The following PLA2R1 variants were observed in gnomAD, a reference collection of about 807,000 sequenced individuals.
PLA2R1 encodes secretory phospholipase A2 receptor.
PLA2R1 carries 158 observed loss-of-function variants against 195.9 expected under a neutral mutation model. That is an observed-to-expected ratio of 0.81 (90% CI 0.71 to 0.92). The LOEUF is 0.92. PLA2R1 is among the 40% of genes least tolerant of loss of function. The pLI, the probability that PLA2R1 is intolerant of heterozygous loss-of-function variation, is 0.00. For missense variants in PLA2R1, 1,626 were observed against 1,764.6 expected, an observed-to-expected ratio of 0.92 and a Z score of 1.41; for synonymous variants, 586 against 598.2, an observed-to-expected ratio of 0.98 and a Z score of 0.30.
chr2:159,928,289 C>T (rs897242561), downstream of PLA2R1, among the ~76,000 whole-genome samples: 2 of 152,136 alleles, frequency 1.3e-5, no homozygotes, highest in Non-Finnish European at 2.9e-5. Flanking sequence ...AGGTCTAGAC[C>T]CCCTTTCTGG....
chr2:159,979,674 G>A (rs1348818005), intron 14 of PLA2R1, among the ~76,000 whole-genome samples, 156 bp downstream of exon 14: 3 of 152,098 alleles, frequency 2.0e-5, no homozygotes, highest in African/African-American at 7.2e-5. Context: ...GATTTCTCAG[G>A]ACCTTGCCAA....
At chr2:160,054,063 C>T (rs778298483) in intron 1 of PLA2R1, among the ~76,000 whole-genome samples, 5 of 152,170 alleles carry the variant, frequency 3.3e-5, no homozygotes, top group South Asian at 2.1e-4. Context: ...GGCAAACTAC[C>T]GAGCACTTCT....
chr2:160,027,986 G>C lies in PLA2R1; in HGVS notation c.1099+232C>G, dbSNP rs56130520. 6.3e-3 allele frequency among the ~76,000 whole-genome samples: 959 copies of C among 152,244 alleles called. 10 individuals carry two copies. Among genetic ancestry groups the C allele is most frequent in the Non-Finnish European group, 9.9e-3 (671 of 68,014 alleles). ...CAAATTTTTTAAAAGAGAAGAAAAT[G>C]TTTGCTATGCTCAGATTATTTCAGT... On this transcript the variant is annotated intron_variant, in intron 6 of 29. Transcript: ENST00000283243.
At chr2:160,028,083 CAT>C in intron 6 of PLA2R1, 133 bp downstream of exon 6, 1 of 594,966 alleles carries the variant, frequency 1.7e-6, no homozygotes. Flanking sequence ...TCTAGTTACA[CAT>C]CTTTTCATAT....
intron 1 of PLA2R1, among the ~76,000 whole-genome samples, chr2:160,051,422 C>G (rs1209975235): frequency 6.6e-6 from 1 of 152,212 alleles, no homozygotes; most frequent in Non-Finnish European, 1.5e-5. Flanking sequence ...TGTCTTGACT[C>G]TGTCCATTTC....
chr2:159,979,738 A>G, intron 14 of PLA2R1, 92 bp downstream of exon 14: 1 of 664,658 alleles, frequency 1.5e-6, no homozygotes, highest in South Asian at 1.8e-5. Flanking sequence ...AGCTCTGGCC[A>G]TCATTTCTAG....
At chr2:159,957,791 G>C (rs1305877324) in intron 20 of PLA2R1, among the ~76,000 whole-genome samples, 1 of 152,184 alleles carries the variant, frequency 6.6e-6, no homozygotes, top group Non-Finnish European at 1.5e-5. Context: ...GATGGAGTTT[G>C]GTGAGAGGAA....
At chr2:159,977,712 C>T (rs1173216588) in intron 14 of PLA2R1, among the ~76,000 whole-genome samples, 6 of 152,074 alleles carry the variant, frequency 3.9e-5, no homozygotes, top group Admixed American at 1.3e-4. Context: ...CCAAGGTGGG[C>T]AGATCACAAG....
At chr2:159,985,821 T>C (rs1331003810) in intron 12 of PLA2R1, among the ~76,000 whole-genome samples, 1 of 152,196 alleles carries the variant, frequency 6.6e-6, no homozygotes, top group Non-Finnish European at 1.5e-5. Flanking sequence ...GGTCCCCAGA[T>C]GACCCTTGCT....
At chr2:160,029,818 T>C (rs1355240381) in intron 4 of PLA2R1, among the ~76,000 whole-genome samples, 1 of 152,204 alleles carries the variant, frequency 6.6e-6, no homozygotes, top group Admixed American at 6.5e-5. Flanking sequence ...AGTGGCAATT[T>C]TGTGATGCTT....
chr2:159,924,127 C>T, the PLA2R1 span, among the ~76,000 whole-genome samples: 1 of 152,188 alleles, frequency 6.6e-6, no homozygotes, highest in Non-Finnish European at 1.5e-5. Flanking sequence ...TAAGCAGAAT[C>T]TTCAGGTCCA....
chr2:160,012,347 T>C (rs1692418646), intron 10 of PLA2R1, among the ~76,000 whole-genome samples: 1 of 152,136 alleles, frequency 6.6e-6, no homozygotes, highest in Admixed American at 6.5e-5. Flanking sequence ...CTGGCATCGA[T>C]ACTAATATGA....
chr2:159,991,798 AT>A (rs1381063481), intron 11 of PLA2R1, among the ~76,000 whole-genome samples: 2 of 119,134 alleles, frequency 1.7e-5, no homozygotes, highest in African/African-American at 6.3e-5. Flanking sequence ...TGAACTCATC[AT>A]TTTTTATGGC....
intron 17 of PLA2R1, 84 bp downstream of exon 17, chr2:159,975,984 C>G: frequency 1.1e-6 from 1 of 937,480 alleles, no homozygotes; most frequent in Non-Finnish European, 1.7e-6. Context: ...GAAGTCAAAT[C>G]GAAAAAACTA....
chr2:159,945,804 G>A, intron 27 of PLA2R1: 1 of 980,372 alleles, frequency 1.0e-6, no homozygotes, highest in South Asian at 4.7e-5. Context: ...ACATCAAAAG[G>A]TAGGCATTAA....
At chr2:159,978,398 C>T (rs975227511) in intron 14 of PLA2R1, among the ~76,000 whole-genome samples, 7 of 152,128 alleles carry the variant, frequency 4.6e-5, no homozygotes, top group East Asian at 1.9e-4. Flanking sequence ...TACACTGTCA[C>T]GTAATAATTC....
At chr2:160,045,231 C>T (rs1694785632) in intron 1 of PLA2R1, 74 bp from the exon 2 acceptor site, 2 of 1,189,266 alleles carry the variant, frequency 1.7e-6, no homozygotes, top group Non-Finnish European at 2.4e-6. Context: ...TCTCAGTGTG[C>T]ATATCTAAGT....
chr2:159,947,365 G>A (rs916814685), intron 26 of PLA2R1, 54 bp downstream of exon 26: 1 of 1,482,642 alleles, frequency 6.7e-7, no homozygotes, highest in African/African-American at 1.4e-5. Flanking sequence ...ATTGTTTACT[G>A]AAATGGCAAG....
At chr2:159,982,229 C>T (rs748522220) in intron 13 of PLA2R1, among the ~76,000 whole-genome samples, 1 of 152,222 alleles carries the variant, frequency 6.6e-6, no homozygotes, top group Non-Finnish European at 1.5e-5. Context: ...AGACTATCAC[C>T]TATCCCTTGG....
Sources: gnomAD v4.1 joint callset for allele counts (sites outside exome capture counted in the v4.1 genomes callset) on GRCh38, gnomAD v4.1.1 for gene constraint, MANE v1.5 for transcripts, NCBI Gene and HGNC (gene_info 2026-07-23, HGNC 2026-07-21) for gene names.